Variants in USP47 observed in about 807,000 individuals in gnomAD.
USP47 encodes ubiquitin carboxyl-terminal hydrolase 47.
USP47 carries 35 observed loss-of-function variants against 165.1 expected under a neutral mutation model. The observed-to-expected ratio is 0.21, with a 90% CI of 0.16 to 0.28. USP47 has a LOEUF of 0.28. Ranked by LOEUF, USP47 falls within the 10% of genes least tolerant of loss-of-function variation. USP47 has a pLI of 1.00. For synonymous variants in USP47, 531 were observed against 544.5 expected (o/e 0.98, Z 0.35); for missense variants, 1,277 against 1,607.4 (o/e 0.79, Z 3.52).
At chr11:11,948,347 A>G in intron 21 of USP47, 131 bp from the exon 22 acceptor site, 1 of 855,542 alleles carries the variant, frequency 1.2e-6, no homozygotes, top group Non-Finnish European at 1.8e-6. Flanking sequence ...CTGGGGATTC[A>G]GAGGTAAAAG....
chr11:11,952,621 C>A, intron 24 of USP47, 120 bp from the exon 25 acceptor site: 1 of 1,191,540 alleles, frequency 8.4e-7, no homozygotes, highest in Non-Finnish European at 1.1e-6. Flanking sequence ...TTTTCTTGTG[C>A]CCACTTTTTA....
Position 11,854,289 on chromosome 11 carries a change from A to T in USP47, c.39+12065A>T, listed in dbSNP as rs4288751. Among the ~76,000 whole-genome samples the T allele has an allele frequency of 2.1e-5, 3 of 146,090 alleles. 1 individual carries two copies. Among genetic ancestry groups the T allele is most frequent in the East Asian group, 2.1e-4 (1 of 4,868 alleles). On this transcript the variant is annotated intron_variant, in intron 1 of 27. Coordinates refer to ENST00000527733, the MANE Select transcript of USP47 (RefSeq NM_001282659.2). ...TTTATTATAAGTTATTTGTTATTTC[A>T]GTTAATACCTTCTATTAGATGGGAG...
chr11:11,843,001 A>T (rs138544320), intron 1 of USP47, among the ~76,000 whole-genome samples: 4 of 152,148 alleles, frequency 2.6e-5, no homozygotes, highest in Admixed American at 2.6e-4. Context: ...GCGAATTTCA[A>T]CGTATTAATA....
Position 11,929,525 on chromosome 11 carries a change from A to T in USP47, c.1478A>T (p.Asp493Val). The T allele has an allele frequency of 6.2e-7, 1 of 1,613,298 alleles. No homozygotes were observed. Among genetic ancestry groups the T allele is most frequent in the Non-Finnish European group, 8.5e-7 (1 of 1,179,386 alleles). Residue 493 changes from aspartate to valine, a missense_variant, in exon 12 of 28, where the codon GAT becomes GTT. This residue lies in a region of USP47 where 909 missense variants were observed against 1,068.1 expected (regional missense o/e 0.85). Transcript: ENST00000527733. ...HYYACIKSFSDEQWYSFNDQH... is the reference protein window; with the variant it reads ...HYYACIKSFSVEQWYSFNDQH... ...TATGCATGTATAAAGTCATTCAGTG[A>T]TGAGCAGTGGTACAGCTTCAATGAT...
At chr11:11,854,583 A>G (rs1239590404) in intron 1 of USP47, among the ~76,000 whole-genome samples, 1 of 147,452 alleles carries the variant, frequency 6.8e-6, no homozygotes, top group African/African-American at 2.4e-5. Context: ...CCCAGGGGCC[A>G]TCACAATGTG....
chr11:11,919,690 A>G (rs1247143964), intron 8 of USP47, among the ~76,000 whole-genome samples: 1 of 151,952 alleles, frequency 6.6e-6, no homozygotes, highest in Non-Finnish European at 1.5e-5. Context: ...AACTATGGCG[A>G]TTAAGGATGC....
intron 8 of USP47, among the ~76,000 whole-genome samples, chr11:11,913,018 G>A (rs560451875): frequency 3.9e-5 from 6 of 151,984 alleles, no homozygotes; most frequent in South Asian, 2.1e-4. Flanking sequence ...ATTAAAAAAC[G>A]TATCTAAAAT....
chr11:11,942,995 G>A lies in USP47; in HGVS notation c.2974G>A (p.Asp992Asn). 6.2e-7 allele frequency: 1 copy of A among 1,613,616 alleles called. No homozygotes were observed. The highest frequency in any genetic ancestry group is 8.5e-7 in the Non-Finnish European group (1 of 1,179,682). Residue 992 changes from aspartate to asparagine, a missense_variant, in exon 20 of 28, where the codon GAC becomes AAC. Transcript: ENST00000527733. ...AGAAACATGGGATACAGCAGAAGAAGACTCTGGAACTGATAGTGAATATGA... is the reference window on the plus strand; with the variant it reads ...AGAAACATGGGATACAGCAGAAGAAAACTCTGGAACTGATAGTGAATATGA... Reference protein sequence around the residue: ...KKETWDTAEEDSGTDSEYDES... With the variant: ...KKETWDTAEENSGTDSEYDES...
chr11:11,902,880 G>A lies in USP47; in HGVS notation c.739+20G>A. On this transcript the variant is annotated intron_variant, in intron 6 of 27. Transcript: ENST00000527733. ...GTGAGGGTACTAATTCTCTTGTAAT[G>A]ATAAGCGTTCTAATATTCAAACAAA... 1 of 1,535,610 alleles carries A rather than the reference G, an allele frequency of 6.5e-7. No homozygotes were observed. Among genetic ancestry groups the A allele is most frequent in the Non-Finnish European group, 8.7e-7 (1 of 1,145,830 alleles).
intron 1 of USP47, among the ~76,000 whole-genome samples, chr11:11,879,325 G>A (rs918715940): frequency 2.6e-5 from 4 of 152,046 alleles, no homozygotes; most frequent in African/African-American, 9.7e-5. Context: ...CAGCTGTTTG[G>A]TTTCAGCAGC....
At chr11:11,894,912 C>T (rs1590324698) in intron 4 of USP47, among the ~76,000 whole-genome samples, 1 of 152,198 alleles carries the variant, frequency 6.6e-6, no homozygotes, top group Non-Finnish European at 1.5e-5. Flanking sequence ...TCTTATCTTT[C>T]CTCTATATGT....
chr11:11,920,044 A>ACC (rs1387509509), intron 8 of USP47, 112 bp from the exon 9 acceptor site: 1 of 755,488 alleles, frequency 1.3e-6, no homozygotes, highest in African/African-American at 1.8e-5. Context: ...TGAGTTCCTA[A>ACC]ATTTCTAACC....
At chr11:11,845,041 A>G (rs1237732884) in intron 1 of USP47, among the ~76,000 whole-genome samples, 1 of 152,226 alleles carries the variant, frequency 6.6e-6, no homozygotes, top group Non-Finnish European at 1.5e-5. Context: ...AAAGAATTAT[A>G]ATAGTCTGTG....
rs1419483096 is a variant in USP47, at chr11:11,842,244, G to A, written c.39+20G>A. The A allele has an allele frequency of 5.2e-6, 8 of 1,551,614 alleles. No homozygotes were observed. Among genetic ancestry groups the A allele is most frequent in the Middle Eastern group, 1.7e-4 (1 of 5,984 alleles). Reference sequence around the variant, plus strand: ...AAAGAGGTGAGGGGCCCCAGAGGAGGTTAGGCCTTAGGCCTGCGGCCGCTC... The same window carrying A: ...AAAGAGGTGAGGGGCCCCAGAGGAGATTAGGCCTTAGGCCTGCGGCCGCTC... On this transcript the variant is annotated intron_variant, in intron 1 of 27. Coordinates refer to ENST00000527733, the MANE Select transcript of USP47 (RefSeq NM_001282659.2).
intron 1 of USP47, among the ~76,000 whole-genome samples, chr11:11,879,805 G>T (rs1450077105): frequency 1.3e-5 from 2 of 151,954 alleles, no homozygotes; most frequent in Admixed American, 6.6e-5. Flanking sequence ...ACTGTGGCTA[G>T]CATGGTAATG....
chr11:11,920,162 G>A lies in USP47; in HGVS notation c.976G>A (p.Ala326Thr). The A allele has an allele frequency of 6.3e-7, 1 of 1,587,634 alleles. No homozygotes were observed. The highest frequency in any genetic ancestry group is 8.6e-7 in the Non-Finnish European group (1 of 1,168,538). ...CAAATTTTTTTCTAACTAGGAAGAAGCATTGCATGCATTTATTCAGCCAGA... is the reference window on the plus strand; with the variant it reads ...CAAATTTTTTTCTAACTAGGAAGAAACATTGCATGCATTTATTCAGCCAGA... ...SSQAFASVEEALHAFIQPEIL... is the reference protein window; with the variant it reads ...SSQAFASVEETLHAFIQPEIL... The change falls in exon 9 of 28, where the codon GCA becomes ACA. Residue 326 changes from alanine (A) to threonine (T), a missense_variant. Physicochemically the swap from Ala to Thr is moderately conservative, Grantham distance 58. This residue lies in a region of USP47 where 175 missense variants were observed against 295.8 expected (regional missense o/e 0.59). Coordinates refer to ENST00000527733, the MANE Select transcript of USP47 (RefSeq NM_001282659.2).
At chr11:11,898,938 G>A (rs1052331873) in intron 5 of USP47, among the ~76,000 whole-genome samples, 1 of 152,182 alleles carries the variant, frequency 6.6e-6, no homozygotes, top group African/African-American at 2.4e-5. Context: ...AATTCTCATA[G>A]TAACTGTATG....
intron 8 of USP47, among the ~76,000 whole-genome samples, chr11:11,914,626 A>T (rs907689099): frequency 6.6e-6 from 1 of 152,022 alleles, no homozygotes; most frequent in African/African-American, 2.4e-5. Context: ...TGTCTATCTG[A>T]CAAAGGACTC....
At chr11:11,908,042 C>T (rs975218057) in intron 8 of USP47, among the ~76,000 whole-genome samples, 7 of 151,986 alleles carry the variant, frequency 4.6e-5, no homozygotes, top group African/African-American at 1.4e-4. Context: ...GAGCTGAGAT[C>T]GCACCACTGC....
Sources: allele counts gnomAD v4.1 joint callset (sites outside exome capture counted in the v4.1 genomes callset), GRCh38; gene constraint gnomAD v4.1.1; regional missense constraint gnomAD v4.1.1; transcripts MANE v1.5; gene names NCBI Gene and HGNC (gene_info 2026-07-23, HGNC 2026-07-21).